The following GPR158 variants were observed in gnomAD, a reference collection of about 807,000 sequenced individuals.
The protein encoded by GPR158 is G protein-coupled receptor 158, also known as metabotropic glycine receptor.
GPR158 carries 30 observed loss-of-function variants against 78.2 expected under a neutral mutation model. The ratio of observed to expected loss-of-function variants is 0.38; its 90% CI spans 0.29 to 0.52. The LOEUF is 0.52. Ranked by LOEUF, GPR158 falls within the 20% of genes least tolerant of loss-of-function variation. The probability of loss-of-function intolerance (pLI) is 0.83; values close to 1 mark genes in which losing one functional copy is unlikely to be tolerated. For synonymous variants in GPR158, 581 were observed against 591.1 expected, an observed-to-expected ratio of 0.98 and a Z score of 0.25; for missense variants, 1,463 against 1,523.5, an observed-to-expected ratio of 0.96 and a Z score of 0.66.
chr10:25,586,390 AATTTTTT>A lies in GPR158; in HGVS notation c.1754-2616_1754-2610del, dbSNP rs1462532092. On this transcript the variant is annotated intron_variant, in intron 7 of 10. Coordinates refer to ENST00000376351, the MANE Select transcript of GPR158 (RefSeq NM_020752.3). ...CCAGGGTTGTAAGTAGGTATGTGTG[AATTTTTT>A]TTTTTTTTTTTTTTTTTTTTTTTTG... Among the ~76,000 whole-genome samples, 753 of 130,966 alleles carry A rather than the reference AATTTTTT, an allele frequency of 5.7e-3. 37 individuals are homozygous for A. The highest frequency in any genetic ancestry group is 7.2e-3 in the Non-Finnish European group (448 of 61,818). 85.9% of individuals were successfully genotyped at this position (130,966 alleles called of 152,430 possible).
At chr10:25,333,673 G>A (rs1443599996) in intron 2 of GPR158, among the ~76,000 whole-genome samples, 1 of 152,054 alleles carries the variant, frequency 6.6e-6, no homozygotes, top group Non-Finnish European at 1.5e-5. Context: ...TTATTTCCTA[G>A]TTTCTAAATA....
At chr10:25,264,999 T>C (rs1373798562) in intron 2 of GPR158, among the ~76,000 whole-genome samples, 2 of 152,252 alleles carry the variant, frequency 1.3e-5, no homozygotes, top group African/African-American at 4.8e-5. Flanking sequence ...CCTCTCATTG[T>C]ATCTCATTAA....
chr10:25,465,581 A>C (rs556663789), intron 4 of GPR158, among the ~76,000 whole-genome samples: 2 of 152,232 alleles, frequency 1.3e-5, no homozygotes, highest in African/African-American at 4.8e-5. Flanking sequence ...AATTTTGAGT[A>C]AAGAATAACA....
intron 4 of GPR158, among the ~76,000 whole-genome samples, chr10:25,412,889 C>T (rs950166094): frequency 3.3e-5 from 5 of 152,134 alleles, no homozygotes; most frequent in South Asian, 2.1e-4. Context: ...CTATTTTTAG[C>T]GCATTATACT....
intron 5 of GPR158, among the ~76,000 whole-genome samples, chr10:25,481,499 C>T (rs972077612): frequency 2.6e-5 from 4 of 152,078 alleles, no homozygotes; most frequent in African/African-American, 4.8e-5. Flanking sequence ...GGGACCTGTT[C>T]GGTGTATGAG....
rs1214286032 is a variant in GPR158 at position 25,519,535 on chromosome 10, C to T, written c.1405-31441C>T. 3.3e-3 allele frequency among the ~76,000 whole-genome samples: 456 copies of T among 138,660 alleles called. 18 individuals are homozygous for T. The highest frequency in any genetic ancestry group is 0.012 in the African/African-American group (391 of 32,742). The allele number at this position is 138,660 out of a possible 152,430, so 91.0% of individuals were successfully genotyped here. On this transcript the variant is annotated intron_variant, in intron 5 of 10. Coordinates refer to ENST00000376351, the MANE Select transcript of GPR158 (RefSeq NM_020752.3). Reference sequence around the variant, plus strand: ...ACCGGTTGTTCCTTTCCATGTTTAGCGCTTCCTTCAGGAGCTCTTTTAGGG... The same window carrying T: ...ACCGGTTGTTCCTTTCCATGTTTAGTGCTTCCTTCAGGAGCTCTTTTAGGG...
intron 4 of GPR158, among the ~76,000 whole-genome samples, chr10:25,441,955 AG>A (rs1835074041): frequency 6.6e-6 from 1 of 152,154 alleles, no homozygotes; most frequent in African/African-American, 2.4e-5. Context: ...GGAGAGTTTA[AG>A]GGCGTTTGAA....
chr10:25,270,638 C>T (rs1417969157), intron 2 of GPR158, among the ~76,000 whole-genome samples: 4 of 152,088 alleles, frequency 2.6e-5, no homozygotes, highest in Non-Finnish European at 5.9e-5. Context: ...TATCTACCAA[C>T]CAGAAATGTA....
At chr10:25,344,399 A>G (rs1323227931) in intron 2 of GPR158, among the ~76,000 whole-genome samples, 1 of 151,882 alleles carries the variant, frequency 6.6e-6, no homozygotes, top group Non-Finnish European at 1.5e-5. Flanking sequence ...TGTGGTGAGA[A>G]CACTTAACAC....
At chr10:25,424,458 C>A (rs1437530765) in intron 4 of GPR158, among the ~76,000 whole-genome samples, 2 of 151,646 alleles carry the variant, frequency 1.3e-5, no homozygotes, top group African/African-American at 2.4e-5. Context: ...AGTCCTTGCC[C>A]ATGCCTATGT....
chr10:25,315,516 A>C (rs1471841634), intron 2 of GPR158, among the ~76,000 whole-genome samples: 1 of 152,052 alleles, frequency 6.6e-6, no homozygotes, highest in East Asian at 1.9e-4. Flanking sequence ...CATGTAGTTG[A>C]GTCTTATTCT....
intron 6 of GPR158, among the ~76,000 whole-genome samples, chr10:25,563,108 G>T (rs184715769): frequency 8.2e-6 from 1 of 122,664 alleles, no homozygotes; most frequent in Non-Finnish European, 1.6e-5. Flanking sequence ...TATTATTTAC[G>T]TAAAATATCA....
chr10:25,458,904 A>C (rs897127875), intron 4 of GPR158, among the ~76,000 whole-genome samples: 3 of 152,172 alleles, frequency 2.0e-5, no homozygotes, highest in Non-Finnish European at 2.9e-5. Flanking sequence ...AAAAACCTAA[A>C]ATTGATTTTA....
intron 2 of GPR158, among the ~76,000 whole-genome samples, chr10:25,304,968 G>T (rs552920179): frequency 1.3e-5 from 2 of 152,306 alleles, no homozygotes; most frequent in East Asian, 3.9e-4. Flanking sequence ...GAGACATTCT[G>T]CCTTTCTATA....
chr10:25,276,109 C>T (rs1178493931), intron 2 of GPR158, among the ~76,000 whole-genome samples: 2 of 152,168 alleles, frequency 1.3e-5, no homozygotes. Context: ...TTGTAGCTTT[C>T]AGAGGAATTT....
chr10:25,561,621 A>G (rs1836861720), intron 6 of GPR158, among the ~76,000 whole-genome samples: 1 of 152,166 alleles, frequency 6.6e-6, no homozygotes, highest in Non-Finnish European at 1.5e-5. Flanking sequence ...TTGGAGCACA[A>G]ACACCCAATG....
At chr10:25,384,042 G>T (rs962015762) in intron 2 of GPR158, among the ~76,000 whole-genome samples, 1 of 152,016 alleles carries the variant, frequency 6.6e-6, no homozygotes, top group African/African-American at 2.4e-5. Context: ...CCTGGTATGT[G>T]GTAAACAGTA....
At chr10:25,266,059 C>G (rs953442437) in intron 2 of GPR158, among the ~76,000 whole-genome samples, 7 of 152,056 alleles carry the variant, frequency 4.6e-5, no homozygotes, top group Admixed American at 4.6e-4. Context: ...CCTTCTTTAT[C>G]TGAAAACTTT....
chr10:25,419,387 C>A (rs1476526814), intron 4 of GPR158, among the ~76,000 whole-genome samples: 2 of 152,026 alleles, frequency 1.3e-5, no homozygotes, highest in East Asian at 3.9e-4. Context: ...TTTGTTTTTC[C>A]GTTCATCTGT....
Sources: gnomAD v4.1 joint callset for allele counts (sites outside exome capture counted in the v4.1 genomes callset) on GRCh38, gnomAD v4.1.1 for gene constraint, MANE v1.5 for transcripts, NCBI Gene and HGNC (gene_info 2026-07-23, HGNC 2026-07-21) for gene names.